The following FOXP1 variants were observed in gnomAD, a reference collection of about 807,000 sequenced individuals.
FOXP1 encodes forkhead box P1.
FOXP1 carries 15 observed loss-of-function variants against 98.2 expected under a neutral mutation model. The observed-to-expected ratio is 0.15, with a 90% CI of 0.10 to 0.24. The LOEUF is 0.24. Among genes scored for constraint, FOXP1 ranks in the 10% least tolerant of loss-of-function variants. The pLI, the probability that FOXP1 is intolerant of heterozygous loss-of-function variation, is 1.00. For missense variants in FOXP1, 633 were observed against 848.5 expected (o/e 0.75, Z 3.15); for synonymous variants, 371 against 314.5 (o/e 1.18, Z -1.90).
intron 11 of FOXP1, among the ~76,000 whole-genome samples, chr3:71,037,390 C>T (rs1439734829): frequency 6.6e-6 from 1 of 152,116 alleles, no homozygotes; most frequent in African/African-American, 2.4e-5. Flanking sequence ...ATTCTGTTTA[C>T]CCACACCAAA....
intron 7 of FOXP1, among the ~76,000 whole-genome samples, chr3:71,102,087 C>T (rs2057015659): frequency 1.3e-5 from 2 of 152,120 alleles, no homozygotes; most frequent in Admixed American, 6.5e-5. Flanking sequence ...ATTTCAAACT[C>T]AAACAATCCC....
intron 3 of FOXP1, among the ~76,000 whole-genome samples, chr3:71,466,397 A>T (rs2088743345): frequency 6.6e-6 from 1 of 152,232 alleles, no homozygotes; most frequent in Non-Finnish European, 1.5e-5. Flanking sequence ...AATGAAATTC[A>T]CAGTCAAGGA....
chr3:71,382,877 T>G (rs1372495139), intron 3 of FOXP1, among the ~76,000 whole-genome samples: 2 of 152,256 alleles, frequency 1.3e-5, no homozygotes, highest in Admixed American at 1.3e-4. Flanking sequence ...TGGCATCTTC[T>G]AATCCTTTGA....
chr3:71,247,412 C>T (rs2067835560), intron 5 of FOXP1, among the ~76,000 whole-genome samples: 1 of 152,180 alleles, frequency 6.6e-6, no homozygotes, highest in Admixed American at 6.5e-5. Flanking sequence ...CCTCCTCTGT[C>T]ACACCTTACG....
At chr3:71,368,120 T>TTTA (rs2079046770) in intron 3 of FOXP1, among the ~76,000 whole-genome samples, 1 of 152,006 alleles carries the variant, frequency 6.6e-6, no homozygotes, top group Non-Finnish European at 1.5e-5. Flanking sequence ...TTAATTTTTA[T>TTTA]TTTATTTATT....
At chr3:71,370,798 G>GTTT (rs71621937) in intron 3 of FOXP1, among the ~76,000 whole-genome samples, 35 of 128,404 alleles carry the variant, frequency 2.7e-4, no homozygotes, top group South Asian at 5.1e-4. Flanking sequence ...TTTTTTTGTT[G>GTTT]TTTTTTTTTT....
chr3:71,091,129 G>GTGTGTGTATGTGTGTA (rs3064142), intron 7 of FOXP1, among the ~76,000 whole-genome samples: 2 of 122,290 alleles, frequency 1.6e-5, no homozygotes, highest in African/African-American at 2.9e-5. Context: ...GTGTGTGTGT[G>GTGTGTGTATGTGTGTA]TGTATTCTTA....
At chr3:71,428,232 C>T (rs1182477561) in intron 3 of FOXP1, among the ~76,000 whole-genome samples, 1 of 152,198 alleles carries the variant, frequency 6.6e-6, no homozygotes, top group African/African-American at 2.4e-5. Context: ...TTCTGCCCAA[C>T]AGGACCATGA....
intron 3 of FOXP1, among the ~76,000 whole-genome samples, chr3:71,420,992 T>TC (rs1491583180): frequency 1.9e-4 from 28 of 148,156 alleles, no homozygotes; most frequent in African/African-American, 6.1e-4. Context: ...GGACTACAAG[T>TC]TTTTTTACAT....
chr3:71,578,526 G>A (rs1198182328), intron 2 of FOXP1, among the ~76,000 whole-genome samples: 1 of 152,124 alleles, frequency 6.6e-6, no homozygotes, highest in African/African-American at 2.4e-5. Context: ...AATCTTACAA[G>A]ATAGTGTTTC....
At chr3:71,032,845 A>G (rs1480598090) in intron 11 of FOXP1, among the ~76,000 whole-genome samples, 2 of 152,100 alleles carry the variant, frequency 1.3e-5, no homozygotes, top group Non-Finnish European at 2.9e-5. Context: ...TTATTATAAG[A>G]ATAGGACTTT....
At chr3:70,980,527 T>G (rs1163513431) in intron 14 of FOXP1, among the ~76,000 whole-genome samples, 2 of 152,144 alleles carry the variant, frequency 1.3e-5, no homozygotes, top group Non-Finnish European at 2.9e-5. Context: ...GATTAAATAA[T>G]TTGCCCATAT....
In FOXP1 at chr3:71,314,530, A is replaced by ATATATATAT. The variant is rs1553839965; in HGVS notation, c.-72-14651_-72-14650insATATATATA. ...TGACAGAGTAAGACTCCGTCTAAAAAATATATATATATATATATATATCTG... is the reference window on the plus strand; with the variant it reads ...TGACAGAGTAAGACTCCGTCTAAAAATATATATATATATATATATATATATATATATCTG... On this transcript the variant is annotated intron_variant, in intron 4 of 20. Transcript: ENST00000649528. Among the ~76,000 whole-genome samples the ATATATATAT allele has an allele frequency of 4.4e-3, 628 of 143,334 alleles. 1 individual carries two copies. The highest frequency in any genetic ancestry group is 0.014 in the Middle Eastern group (4 of 276). The allele number at this position is 143,334 out of a possible 152,430, so 94.0% of individuals were successfully genotyped here.
At chr3:71,582,428 G>A (rs1285518437) in intron 1 of FOXP1, 2 of 985,192 alleles carry the variant, frequency 2.0e-6, no homozygotes, top group Admixed American at 6.1e-5. Flanking sequence ...TCGGCTCGCT[G>A]GCTCCAGGGA....
At chr3:71,064,755 C>A (rs2052142510) in intron 7 of FOXP1, 2 of 981,788 alleles carry the variant, frequency 2.0e-6, no homozygotes, top group African/African-American at 1.8e-5. Context: ...GCGAGGCCCC[C>A]AGGAAGCGGG....
intron 7 of FOXP1, among the ~76,000 whole-genome samples, chr3:71,087,397 T>C (rs2055246687): frequency 6.6e-6 from 1 of 152,210 alleles, no homozygotes; most frequent in Non-Finnish European, 1.5e-5. Context: ...CAAAGGATTA[T>C]GCAACATATT....
chr3:71,518,983 C>T (rs1261243355), intron 2 of FOXP1, among the ~76,000 whole-genome samples: 13 of 152,202 alleles, frequency 8.5e-5, no homozygotes, highest in Non-Finnish European at 1.3e-4. Flanking sequence ...CGGTGGCTCA[C>T]GCCTGTAATC....
chr3:71,293,999 T>C (rs2073030915), intron 5 of FOXP1, among the ~76,000 whole-genome samples: 1 of 152,344 alleles, frequency 6.6e-6, no homozygotes, highest in East Asian at 1.9e-4. Context: ...AACATTTTGC[T>C]AAGTGAAAGA....
At chr3:71,492,592 T>C (rs947207325) in intron 3 of FOXP1, among the ~76,000 whole-genome samples, 1 of 152,192 alleles carries the variant, frequency 6.6e-6, no homozygotes, top group Non-Finnish European at 1.5e-5. Context: ...CTTCCAATAC[T>C]ACTGCACTAA....
Sources: gnomAD v4.1 joint callset for allele counts (sites outside exome capture counted in the v4.1 genomes callset) on GRCh38, gnomAD v4.1.1 for gene constraint, MANE v1.5 for transcripts, NCBI Gene and HGNC (gene_info 2026-07-23, HGNC 2026-07-21) for gene names.